Variants in KLF15 observed in about 807,000 individuals in gnomAD.
The protein encoded by KLF15 is KLF transcription factor 15, also known as Krueppel-like factor 15.
In KLF15, 4 loss-of-function variants were observed where a neutral mutation model predicts 24.6. The ratio of observed to expected loss-of-function variants is 0.16; its 90% CI spans 0.08 to 0.37. The LOEUF is 0.37. Among genes scored for constraint, KLF15 ranks in the 10% least tolerant of loss-of-function variants. KLF15 has a pLI of 1.00. For synonymous variants in KLF15, 246 were observed against 236.3 expected, an observed-to-expected ratio of 1.04 and a Z score of -0.37; for missense variants, 496 against 560.6, an observed-to-expected ratio of 0.88 and a Z score of 1.16.
intron 2 of KLF15, among the ~76,000 whole-genome samples, chr3:126,350,382 G>C (rs1052402314): frequency 2.6e-5 from 4 of 152,198 alleles, no homozygotes; most frequent in Admixed American, 1.3e-4. Context: ...CTGTCTGAAT[G>C]GGGTGGGAGA....
chr3:126,318,387 C>T, the KLF15 span, among the ~76,000 whole-genome samples: 1 of 152,140 alleles, frequency 6.6e-6, no homozygotes, highest in South Asian at 2.1e-4. Flanking sequence ...TTCTTGACTC[C>T]TGTTATGGTA....
downstream of KLF15, among the ~76,000 whole-genome samples, chr3:126,339,702 A>C (rs770310057): frequency 3.3e-5 from 5 of 152,106 alleles, no homozygotes; most frequent in African/African-American, 4.8e-5. Context: ...AGCCTGAACC[A>C]ATAAAACACA....
chr3:126,347,349 A>C (rs1010299692), intron 2 of KLF15, among the ~76,000 whole-genome samples: 2 of 152,192 alleles, frequency 1.3e-5, no homozygotes, highest in African/African-American at 2.4e-5. Context: ...GAAGGAGGTC[A>C]GAAAAAGCCT....
At chr3:126,300,125 G>C in the KLF15 span, among the ~76,000 whole-genome samples, 1 of 152,118 alleles carries the variant, frequency 6.6e-6, no homozygotes, top group Non-Finnish European at 1.5e-5. Flanking sequence ...GGGGGCTCTG[G>C]GGACCCGGGG....
the KLF15 span, among the ~76,000 whole-genome samples, chr3:126,308,696 C>T: frequency 3.1e-3 from 473 of 152,280 alleles, 4 homozygotes; most frequent in African/African-American, 0.011. Flanking sequence ...GAGTGAGACT[C>T]CTACGTGGAA....
At chr3:126,311,426 C>T in the KLF15 span, among the ~76,000 whole-genome samples, 1 of 152,176 alleles carries the variant, frequency 6.6e-6, no homozygotes. Context: ...TCGGGTGAAC[C>T]CTCTGCACAT....
At chr3:126,351,764 T>A in intron 2 of KLF15, 77 bp downstream of exon 2, 1 of 988,794 alleles carries the variant, frequency 1.0e-6, no homozygotes. Flanking sequence ...TGGTGGAAAA[T>A]GGCCCTGCTG....
the KLF15 span, among the ~76,000 whole-genome samples, chr3:126,306,234 C>T: frequency 6.6e-6 from 1 of 152,142 alleles, no homozygotes; most frequent in African/African-American, 2.4e-5. Context: ...CTTCTCTCTC[C>T]GCCCAGGGGT....
chr3:126,321,354 A>G, the KLF15 span, among the ~76,000 whole-genome samples: 1 of 152,250 alleles, frequency 6.6e-6, no homozygotes, highest in African/African-American at 2.4e-5. Context: ...CCCCAGGGCC[A>G]GAGCCATGCT....
At chr3:126,315,271 C>G in the KLF15 span, among the ~76,000 whole-genome samples, 1 of 152,094 alleles carries the variant, frequency 6.6e-6, no homozygotes, top group African/African-American at 2.4e-5. Flanking sequence ...ACTCTAGCTC[C>G]GAACAAGTTC....
At chr3:126,329,345 G>A in the KLF15 span, among the ~76,000 whole-genome samples, 2 of 152,164 alleles carry the variant, frequency 1.3e-5, no homozygotes, top group African/African-American at 2.4e-5. Flanking sequence ...TCAGCTGGGT[G>A]TGGTGGTGTG....
At chr3:126,318,693 A>AT in the KLF15 span, among the ~76,000 whole-genome samples, 4,149 of 152,050 alleles carry the variant, frequency 0.027, 136 homozygotes, top group African/African-American at 0.073. Context: ...CTACTTACTT[A>AT]TTTTTTTTAT....
intron 2 of KLF15, among the ~76,000 whole-genome samples, chr3:126,349,899 G>A (rs553145077): frequency 6.6e-6 from 1 of 152,220 alleles, no homozygotes; most frequent in Admixed American, 6.5e-5. Flanking sequence ...TTGGGGGCTG[G>A]AGAGAATGCC....
At position 126,343,729 on chromosome 3, in the gene KLF15, A is replaced by G; in HGVS notation, c.1249T>C (p.Ter417ArgextTer23). 1 of 1,609,742 alleles carries G rather than the reference A, an allele frequency of 6.2e-7. No individual in the cohort carries two copies. Among genetic ancestry groups the G allele is most frequent in the Non-Finnish European group, 8.5e-7 (1 of 1,178,918 alleles). The change falls in exon 3 of 3, where the codon TGA becomes CGA. Residue 417 changes from the stop codon to arginine, a stop_lost. Coordinates refer to ENST00000296233, the MANE Select transcript of KLF15 (RefSeq NM_014079.4). ...RSSRSVRSVN[*>R] The stretch of plus-strand genomic sequence containing the variant: ...ACAGGCTGGGGTTCAGGGCGCTTTC[A>G]GTTCACGGAGCGCACGGAGCGGCTG...
chr3:126,331,113 T>C, the KLF15 span, among the ~76,000 whole-genome samples: 104 of 152,234 alleles, frequency 6.8e-4, no homozygotes, highest in African/African-American at 2.5e-3. Flanking sequence ...GCACATAAGA[T>C]GCCCCTCACA....
downstream of KLF15, among the ~76,000 whole-genome samples, chr3:126,341,316 G>A (rs1394666881): frequency 6.6e-6 from 1 of 152,204 alleles, no homozygotes; most frequent in African/African-American, 2.4e-5. Context: ...GAGGTGAGCA[G>A]CGTGTCCGGC....
At chr3:126,304,198 T>C in the KLF15 span, among the ~76,000 whole-genome samples, 1 of 132,736 alleles carries the variant, frequency 7.5e-6, no homozygotes, top group African/African-American at 2.5e-5. Context: ...TTAAATTTTG[T>C]TCTGGTACTC....
the KLF15 span, among the ~76,000 whole-genome samples, chr3:126,315,512 T>C: frequency 1.3e-5 from 2 of 151,948 alleles, no homozygotes; most frequent in African/African-American, 4.8e-5. Flanking sequence ...TTCCCAGACA[T>C]TGGGATCCTG....
chr3:126,326,560 G>C, the KLF15 span, among the ~76,000 whole-genome samples: 1 of 152,242 alleles, frequency 6.6e-6, no homozygotes, highest in Admixed American at 6.5e-5. Flanking sequence ...TTACAGCACT[G>C]TTTATAAAAC....
Sources: gnomAD v4.1 joint callset for allele counts (sites outside exome capture counted in the v4.1 genomes callset) on GRCh38, gnomAD v4.1.1 for gene constraint, MANE v1.5 for transcripts, NCBI Gene and HGNC (gene_info 2026-07-23, HGNC 2026-07-21) for gene names.